DPYSL2: variants seen among roughly 807,000 people sequenced by gnomAD.
DPYSL2 encodes the protein dihydropyrimidinase like 2.
DPYSL2 carries 13 observed loss-of-function variants against 69.9 expected under a neutral mutation model. That is an observed-to-expected ratio of 0.19 (90% CI 0.12 to 0.30). DPYSL2 has a LOEUF of 0.30. Among genes scored for constraint, DPYSL2 ranks in the 10% least tolerant of loss-of-function variants. DPYSL2 has a pLI of 1.00. For missense variants in DPYSL2, 587 were observed against 918.9 expected (o/e 0.64, Z 4.67); for synonymous variants, 326 against 359.1 (o/e 0.91, Z 1.04).
intron 3 of DPYSL2, among the ~76,000 whole-genome samples, chr8:26,611,618 G>C (rs1802230692): frequency 6.6e-6 from 1 of 152,216 alleles, no homozygotes; most frequent in South Asian, 2.1e-4. Flanking sequence ...AGGAAACAGA[G>C]ATGTCGCCCC....
intron 1 of DPYSL2, among the ~76,000 whole-genome samples, chr8:26,523,431 G>T (rs1485904443): frequency 1.3e-5 from 2 of 151,856 alleles, no homozygotes; most frequent in Non-Finnish European, 2.9e-5. Flanking sequence ...TTTTCATTTT[G>T]CAAAACTGAA....
At position 26,597,070 on chromosome 8, in the gene DPYSL2, C is replaced by T. The variant is rs566918565; in HGVS notation, c.628+13087C>T. On this transcript the variant is annotated intron_variant, in intron 3 of 13. Transcript: ENST00000521913. The surrounding 1 kb of genome is among the most constrained non-coding windows in gnomAD (Gnocchi z 5.2). ...AGGCAGAAAATGATCAGATATCATACGTCTCCTACTAAGTGGGAGGCTGCA... is the reference window on the plus strand; with the variant it reads ...AGGCAGAAAATGATCAGATATCATATGTCTCCTACTAAGTGGGAGGCTGCA... Among the ~76,000 whole-genome samples the T allele has an allele frequency of 2.6e-5, 4 of 152,310 alleles. No homozygotes were observed. Among genetic ancestry groups the T allele is most frequent in the South Asian group, 2.1e-4 (1 of 4,822 alleles).
chr8:26,567,606 C>T (rs1377852119), intron 1 of DPYSL2, among the ~76,000 whole-genome samples: 1 of 152,232 alleles, frequency 6.6e-6, no homozygotes, highest in Non-Finnish European at 1.5e-5. Context: ...TGTACAGCCC[C>T]CAGTGGGGGC....
rs1420624321 is a variant in DPYSL2 at position 26,617,549 on chromosome 8, T to C, written c.629-6594T>C. Among the ~76,000 whole-genome samples the C allele has an allele frequency of 6.6e-6, 1 of 152,172 alleles. No homozygotes were observed. The highest frequency in any genetic ancestry group is 2.4e-5 in the African/African-American group (1 of 41,448). ...AATTAAAAGTAGGGTCATTTAAATA[T>C]GGCAAACTCCAAACGGGTCTTCTCT... On this transcript the variant is annotated intron_variant, in intron 3 of 13. Coordinates refer to ENST00000521913, the MANE Select transcript of DPYSL2 (RefSeq NM_001197293.3). This position sits in a 1 kb window ranked among gnomAD's most constrained non-coding sequence, Gnocchi z 4.7.
At chr8:26,613,705 G>A (rs1259402753) in intron 3 of DPYSL2, among the ~76,000 whole-genome samples, 1 of 152,194 alleles carries the variant, frequency 6.6e-6, no homozygotes, top group African/African-American at 2.4e-5. Flanking sequence ...GAGAGATCAG[G>A]AGCCCCATGC....
rs1156714745 is a variant in DPYSL2 at position 26,593,510 on chromosome 8, G to A, written c.628+9527G>A. 6.6e-6 allele frequency among the ~76,000 whole-genome samples: 1 copy of A among 152,186 alleles called. No homozygotes were observed. Among genetic ancestry groups the A allele is most frequent in the African/African-American group, 2.4e-5 (1 of 41,442 alleles). ...CCTGTCCTCTTCACGAAGGGAGTGG[G>A]ATCACACTGTTGCTATCTGGCCAGG... On this transcript the variant is annotated intron_variant, in intron 3 of 13. Coordinates refer to ENST00000521913, the MANE Select transcript of DPYSL2 (RefSeq NM_001197293.3). The surrounding 1 kb of genome is among the most constrained non-coding windows in gnomAD (Gnocchi z 5.7).
chr8:26,620,456 A>G lies in DPYSL2; in HGVS notation c.629-3687A>G, dbSNP rs1802455340. 3.3e-5 allele frequency among the ~76,000 whole-genome samples: 5 copies of G among 151,424 alleles called. No individual in the cohort carries two copies. The highest frequency in any genetic ancestry group is 3.3e-4 in the Admixed American group (5 of 15,218). On this transcript the variant is annotated intron_variant, in intron 3 of 13. Transcript: ENST00000521913. This position sits in a 1 kb window ranked among gnomAD's most constrained non-coding sequence, Gnocchi z 4.5. ...TTTTTAGTAGAGACGAGGTTTCATC[A>G]TGTTGCCCAGGCTGGTCTCGAACTC...
Position 26,516,966 on chromosome 8 carries a change from T to C in DPYSL2, c.354+2287T>C, listed in dbSNP as rs1288698407. 6.6e-6 allele frequency among the ~76,000 whole-genome samples: 1 copy of C among 152,226 alleles called. No individual in the cohort carries two copies. Among genetic ancestry groups the C allele is most frequent in the Non-Finnish European group, 1.5e-5 (1 of 68,040 alleles). On this transcript the variant is annotated intron_variant, in intron 1 of 13. Coordinates refer to ENST00000521913, the MANE Select transcript of DPYSL2 (RefSeq NM_001197293.3). The surrounding 1 kb of genome is among the most constrained non-coding windows in gnomAD (Gnocchi z 4.8). ...TCCGAAAAGCTCAACTGGCCCACCA[T>C]TTTGACTGAGTTGACTTGTCATTAG...
intron 3 of DPYSL2, among the ~76,000 whole-genome samples, chr8:26,618,545 C>T (rs1802411385): frequency 7.1e-6 from 1 of 140,656 alleles, no homozygotes. Context: ...TCTTGAACTC[C>T]TGGCCTGAAG....
rs935614153 is a variant in DPYSL2 at position 26,656,536 on chromosome 8, C to T, written c.*830C>T. 6 of 152,506 alleles carry T rather than the reference C, an allele frequency of 3.9e-5. No individual in the cohort carries two copies. The highest frequency in any genetic ancestry group is 1.5e-4 in the African/African-American group (6 of 41,370). The allele number at this position is 152,506 out of a possible 1,614,324, so 9.4% of individuals were successfully genotyped here. A position where few individuals can be genotyped will look rare whatever the true frequency, so the allele number is the denominator to read the frequency against. ...TTTTCGTGTCTGTCTCTCTCTCTCTCTGTGTTTCCTCCAGCCCTTGTCTCG... is the reference window on the plus strand; with the variant it reads ...TTTTCGTGTCTGTCTCTCTCTCTCTTTGTGTTTCCTCCAGCCCTTGTCTCG... On this transcript the variant is annotated 3_prime_UTR_variant, in exon 14 of 14. Transcript: ENST00000521913.
In DPYSL2 at chr8:26,657,842, GT is replaced by G. The variant is rs1447993588; in HGVS notation, c.*2137del. Reference sequence around the variant, plus strand: ...ATGTTTACCTGTTGGCTTGCTTTGTGTGTCTGTTAAATGAATGTCATATGTA... The same window carrying G: ...ATGTTTACCTGTTGGCTTGCTTTGTGGTCTGTTAAATGAATGTCATATGTA... On this transcript the variant is annotated 3_prime_UTR_variant, in exon 14 of 14. Transcript: ENST00000521913. The G allele has an allele frequency of 2.0e-5, 3 of 152,602 alleles. No individual in the cohort carries two copies. Among genetic ancestry groups the G allele is most frequent in the Non-Finnish European group, 2.9e-5 (2 of 68,036 alleles). 9.5% of individuals were successfully genotyped at this position (152,602 alleles called of 1,614,324 possible).
Position 26,609,012 on chromosome 8 carries a change from T to G in DPYSL2, c.629-15131T>G, listed in dbSNP as rs779690301. Among the ~76,000 whole-genome samples the G allele has an allele frequency of 5.3e-4, 81 of 152,188 alleles. No individual in the cohort carries two copies. Among genetic ancestry groups the G allele is most frequent in the Non-Finnish European group, 9.3e-4 (63 of 68,024 alleles). Reference sequence around the variant, plus strand: ...AGTTTCAATCCAACAGCGGATCTGTTTTTTTACTCCATGTAATGGGACTGT... The same window carrying G: ...AGTTTCAATCCAACAGCGGATCTGTGTTTTTACTCCATGTAATGGGACTGT... On this transcript the variant is annotated intron_variant, in intron 3 of 13. Coordinates refer to ENST00000521913, the MANE Select transcript of DPYSL2 (RefSeq NM_001197293.3). This position sits in a 1 kb window ranked among gnomAD's most constrained non-coding sequence, Gnocchi z 6.5.
intron 1 of DPYSL2, chr8:26,577,677 A>G (rs896096751): frequency 1.1e-5 from 5 of 471,762 alleles, no homozygotes; most frequent in Non-Finnish European, 1.4e-5. Flanking sequence ...GGCCGCCGCC[A>G]AACCCGGTCC....
In DPYSL2 at chr8:26,564,312, A is replaced by G. The variant is rs573617301; in HGVS notation, c.355-17657A>G. On this transcript the variant is annotated intron_variant, in intron 1 of 13. Transcript: ENST00000521913. This position sits in a 1 kb window ranked among gnomAD's most constrained non-coding sequence, Gnocchi z 4.8. ...GTACGCTACCCATTCCTGAAGCTTA[A>G]CCATGTAGGAACAGCAAGGCAGGGC... Among the ~76,000 whole-genome samples, 2 of 152,302 alleles carry G rather than the reference A, an allele frequency of 1.3e-5. No individual in the cohort carries two copies. Among genetic ancestry groups the G allele is most frequent in the South Asian group, 4.1e-4 (2 of 4,826 alleles).
intron 1 of DPYSL2, among the ~76,000 whole-genome samples, chr8:26,523,166 T>A (rs1004473833): frequency 6.7e-6 from 1 of 149,948 alleles, no homozygotes; most frequent in Admixed American, 6.7e-5. Context: ...TATATATATA[T>A]ATATTTTTAA....
rs908549040 is a variant in DPYSL2 at position 26,640,612 on chromosome 8, A to G, written c.1127-2827A>G. On this transcript the variant is annotated intron_variant, in intron 8 of 13. Transcript: ENST00000521913. This position sits in a 1 kb window ranked among gnomAD's most constrained non-coding sequence, Gnocchi z 4.2. ...GGGATGGGAGGCAGAGACTCTATGT[A>G]TAGATCATACTCTTGTGGAGGTAGA... is the stretch of plus-strand genomic sequence containing the variant. 1.1e-4 allele frequency among the ~76,000 whole-genome samples: 16 copies of G among 152,134 alleles called. No homozygotes were observed. The highest frequency in any genetic ancestry group is 3.6e-4 in the African/African-American group (15 of 41,422).
At chr8:26,544,065 A>G (rs1160313595) in intron 1 of DPYSL2, among the ~76,000 whole-genome samples, 10 of 57,240 alleles carry the variant, frequency 1.7e-4, no homozygotes, top group African/African-American at 1.0e-3. Context: ...AAACAAAAGA[A>G]CAGTCTTTTC....
intron 3 of DPYSL2, among the ~76,000 whole-genome samples, chr8:26,616,405 G>A (rs892526488): frequency 2.0e-5 from 3 of 152,104 alleles, no homozygotes; most frequent in Non-Finnish European, 2.9e-5. Flanking sequence ...ATGCCAGCTC[G>A]GGAAAGCCAC....
intron 1 of DPYSL2, among the ~76,000 whole-genome samples, chr8:26,535,880 T>TTA (rs1800583625): frequency 6.7e-6 from 1 of 149,474 alleles, no homozygotes; most frequent in South Asian, 2.1e-4. Context: ...CCCATCAAAA[T>TTA]TATAAGCTCT....
Sources: allele counts gnomAD v4.1 joint callset (sites outside exome capture counted in the v4.1 genomes callset), GRCh38; gene constraint gnomAD v4.1.1; non-coding constraint Gnocchi (gnomAD v3.1); transcripts MANE v1.5; gene names NCBI Gene and HGNC (gene_info 2026-07-23, HGNC 2026-07-21).